The following CFAP210 variants were observed in gnomAD, a reference collection of about 807,000 sequenced individuals.
CFAP210 encodes the protein cilia- and flagella- associated protein 210.
the CFAP210 span, chr2:169,650,539 T>G: frequency 6.7e-7 from 1 of 1,482,774 alleles, no homozygotes; most frequent in African/African-American, 1.4e-5. Flanking sequence ...AAAATAACCA[T>G]ACTCGTCAAA....
At chr2:169,679,120 T>C in the CFAP210 span, among the ~76,000 whole-genome samples, 5 of 152,178 alleles carry the variant, frequency 3.3e-5, no homozygotes, top group Admixed American at 2.0e-4. Context: ...GCAAGAACAA[T>C]TGATCTTCAT....
chr2:169,678,643 G>A, the CFAP210 span, among the ~76,000 whole-genome samples: 1 of 152,002 alleles, frequency 6.6e-6, no homozygotes, highest in Non-Finnish European at 1.5e-5. Flanking sequence ...TGGCCAACAT[G>A]ATGAAACCCA....
the CFAP210 span, chr2:169,681,002 C>CA: frequency 6.2e-7 from 1 of 1,612,050 alleles, no homozygotes; most frequent in Non-Finnish European, 8.5e-7. Flanking sequence ...ATGGTTAATA[C>CA]TTACTGCATA....
At chr2:169,658,786 G>T in the CFAP210 span, 1 of 292,026 alleles carries the variant, frequency 3.4e-6, no homozygotes, top group East Asian at 1.1e-4. Flanking sequence ...GTGTACCGGA[G>T]AGCATTTAGA....
chr2:169,662,223 T>C, the CFAP210 span: 1 of 1,542,762 alleles, frequency 6.5e-7, no homozygotes, highest in African/African-American at 1.4e-5. Context: ...TGTATCAATT[T>C]TAAAAGTTGG....
the CFAP210 span, among the ~76,000 whole-genome samples, chr2:169,692,492 C>CAG: frequency 0.045 from 6,582 of 147,440 alleles, 518 homozygotes; most frequent in African/African-American, 0.16. Flanking sequence ...CACACAGAGA[C>CAG]AGAGAGAGAG....
At chr2:169,689,951 TA>T in the CFAP210 span, among the ~76,000 whole-genome samples, 3 of 152,210 alleles carry the variant, frequency 2.0e-5, no homozygotes, top group Non-Finnish European at 4.4e-5. Flanking sequence ...TGGTATATAA[TA>T]ATTTTTTATA....
At chr2:169,659,787 T>G in the CFAP210 span, among the ~76,000 whole-genome samples, 12 of 152,210 alleles carry the variant, frequency 7.9e-5, no homozygotes, top group Non-Finnish European at 1.6e-4. Flanking sequence ...ACTCAAAAGT[T>G]TCTTTACTGG....
the CFAP210 span, among the ~76,000 whole-genome samples, chr2:169,650,065 ATAAC>A: frequency 3.3e-5 from 5 of 152,262 alleles, no homozygotes; most frequent in Admixed American, 6.5e-5. Flanking sequence ...AATGAAAAGT[ATAAC>A]AAATAACCTT....
At chr2:169,674,744 ATAACTCTAC>A in the CFAP210 span, 1 of 1,587,100 alleles carries the variant, frequency 6.3e-7, no homozygotes. Context: ...ACGTTCTTTC[ATAACTCTAC>A]TAAGAAGAAG....
the CFAP210 span, chr2:169,662,351 A>G: frequency 6.8e-6 from 11 of 1,606,108 alleles, no homozygotes; most frequent in Non-Finnish European, 8.5e-6. Context: ...TCAATTTCAT[A>G]TAATGCATTC....
chr2:169,649,922 C>CAAA, the CFAP210 span, among the ~76,000 whole-genome samples: 58 of 144,122 alleles, frequency 4.0e-4, no homozygotes, highest in South Asian at 4.2e-3. Context: ...AACTCTGTCT[C>CAAA]AAAAAAAAAA....
At chr2:169,688,317 A>G in the CFAP210 span, among the ~76,000 whole-genome samples, 1 of 152,186 alleles carries the variant, frequency 6.6e-6, no homozygotes, top group Admixed American at 6.5e-5. Flanking sequence ...TTTCTATTGC[A>G]TAGTCAGGCT....
the CFAP210 span, chr2:169,694,299 C>T: frequency 3.7e-6 from 6 of 1,613,950 alleles, no homozygotes; most frequent in Non-Finnish European, 3.4e-6. Context: ...CCGTCCAAAC[C>T]GTACCAGCAT....
chr2:169,649,140 T>C, the CFAP210 span: 1 of 1,510,772 alleles, frequency 6.6e-7, no homozygotes, highest in Non-Finnish European at 8.9e-7. Context: ...CTGTATTATA[T>C]ACTTATTACT....
At chr2:169,668,250 C>G in the CFAP210 span, among the ~76,000 whole-genome samples, 1 of 152,162 alleles carries the variant, frequency 6.6e-6, no homozygotes, top group East Asian at 1.9e-4. Context: ...GTGTCTGTAC[C>G]TCTCCAGCCA....
the CFAP210 span, among the ~76,000 whole-genome samples, chr2:169,652,144 G>C: frequency 1.3e-5 from 2 of 152,110 alleles, no homozygotes; most frequent in African/African-American, 4.8e-5. Context: ...TAGTGAATTG[G>C]CAAAGCAGCA....
At chr2:169,680,475 G>C in the CFAP210 span, among the ~76,000 whole-genome samples, 10 of 152,200 alleles carry the variant, frequency 6.6e-5, no homozygotes, top group African/African-American at 1.4e-4. Context: ...AGCTTTGTTT[G>C]TAATAGCCAA....
chr2:169,667,686 A>G, the CFAP210 span, among the ~76,000 whole-genome samples: 2 of 152,140 alleles, frequency 1.3e-5, no homozygotes, highest in African/African-American at 4.8e-5. Flanking sequence ...ATTACTGCTC[A>G]TTGACAATGA....
Sources: gnomAD v4.1 joint callset for allele counts (sites outside exome capture counted in the v4.1 genomes callset) on GRCh38, gnomAD v4.1.1 for gene constraint, MANE v1.5 for transcripts, NCBI Gene and HGNC (gene_info 2026-07-23, HGNC 2026-07-21) for gene names.